PHF24: variants seen among roughly 807,000 people sequenced by gnomAD.
PHF24 encodes the protein PHD finger protein 24, also known as Galpha inhibitory interacting protein.
A neutral mutation model predicts 42.6 loss-of-function variants in PHF24; 25 were observed. That is an observed-to-expected ratio of 0.59 (90% confidence interval 0.43 to 0.82). PHF24 has a LOEUF of 0.82. PHF24 is among the 40% of genes least tolerant of loss of function. The pLI is 0.00. For synonymous variants in PHF24, 185 were observed against 204.8 expected (o/e 0.90, Z 0.83); for missense variants, 470 against 538.1 (o/e 0.87, Z 1.25).
chr9:34,804,690 A>G, the PHF24 span, among the ~76,000 whole-genome samples: 1 of 151,026 alleles, frequency 6.6e-6, no homozygotes, highest in Non-Finnish European at 1.5e-5. Context: ...TCCAGAATCC[A>G]TGCTTGAAAA....
chr9:34,971,180 A>G (rs767604002), intron 1 of PHF24, 115 bp from the exon 2 acceptor site: 118 of 1,111,048 alleles, frequency 1.1e-4, no homozygotes, highest in African/African-American at 2.2e-4. Flanking sequence ...CACCCCCACC[A>G]TGTTCTAGAA....
chr9:34,817,335 C>T, the PHF24 span, among the ~76,000 whole-genome samples: 26 of 152,234 alleles, frequency 1.7e-4, no homozygotes, highest in South Asian at 8.3e-4. Flanking sequence ...GCCTCAAACT[C>T]CTGGGGTCAA....
the PHF24 span, among the ~76,000 whole-genome samples, chr9:34,685,630 C>G: frequency 6.6e-6 from 1 of 152,240 alleles, no homozygotes; most frequent in Admixed American, 6.5e-5. Context: ...CTTTGCCACT[C>G]ACCAGTTGAG....
At chr9:34,934,452 C>A in the PHF24 span, among the ~76,000 whole-genome samples, 2 of 152,046 alleles carry the variant, frequency 1.3e-5, no homozygotes, top group Non-Finnish European at 2.9e-5. Context: ...ATAAAGTAAC[C>A]TCCCTCTTCC....
At chr9:34,880,137 G>C in the PHF24 span, among the ~76,000 whole-genome samples, 4 of 152,162 alleles carry the variant, frequency 2.6e-5, no homozygotes, top group African/African-American at 9.7e-5. Flanking sequence ...ATCCTTTACA[G>C]ACAAGCAAAT....
the PHF24 span, among the ~76,000 whole-genome samples, chr9:34,926,151 C>A: frequency 6.6e-6 from 1 of 152,206 alleles, no homozygotes; most frequent in South Asian, 2.1e-4. The surrounding 1 kb of genome is among the most constrained non-coding windows in gnomAD (Gnocchi z 4.3). Context: ...GGTTCACTGG[C>A]CTGTTTCTCA....
chr9:34,978,039 G>A, exon 8 of PHF24: 2 of 1,614,150 alleles, frequency 1.2e-6, no homozygotes, highest in Middle Eastern at 1.6e-4. Flanking sequence ...CTACCTTCCT[G>A]CAAGAGAATG....
the PHF24 span, among the ~76,000 whole-genome samples, chr9:34,826,423 G>C: frequency 6.6e-6 from 1 of 152,182 alleles, no homozygotes; most frequent in Non-Finnish European, 1.5e-5. Flanking sequence ...TAGAGCATTC[G>C]GCCCTGGTTG....
the PHF24 span, among the ~76,000 whole-genome samples, chr9:34,948,976 C>T: frequency 6.6e-6 from 1 of 152,104 alleles, no homozygotes; most frequent in Non-Finnish European, 1.5e-5. Flanking sequence ...CGGGTTGATT[C>T]CCAAAGGTAG....
chr9:34,963,611 A>G (rs748798744), intron 1 of PHF24, among the ~76,000 whole-genome samples: 12 of 152,240 alleles, frequency 7.9e-5, no homozygotes, highest in Non-Finnish European at 2.9e-5. Context: ...GGGCCTCACC[A>G]TAGTCCACAG....
At chr9:34,787,901 C>T in the PHF24 span, among the ~76,000 whole-genome samples, 1 of 152,158 alleles carries the variant, frequency 6.6e-6, no homozygotes, top group African/African-American at 2.4e-5. Flanking sequence ...ACCATTTCCT[C>T]CCTTAGTTTA....
At chr9:34,974,300 G>A (rs1297912926) in intron 3 of PHF24, among the ~76,000 whole-genome samples, 1 of 152,172 alleles carries the variant, frequency 6.6e-6, no homozygotes. Context: ...CCTCCTAATT[G>A]TCAAGTCCAC....
the PHF24 span, among the ~76,000 whole-genome samples, chr9:34,668,459 C>A: frequency 6.6e-6 from 1 of 152,192 alleles, no homozygotes; most frequent in Non-Finnish European, 1.5e-5. Context: ...ACACAATGCA[C>A]AGGTATACCC....
the PHF24 span, among the ~76,000 whole-genome samples, chr9:34,847,795 G>C: frequency 5.9e-5 from 9 of 152,234 alleles, no homozygotes; most frequent in South Asian, 6.2e-4. Context: ...AATTTATTGA[G>C]AGTTTTTAGC....
At chr9:34,851,284 C>T in the PHF24 span, among the ~76,000 whole-genome samples, 1 of 152,206 alleles carries the variant, frequency 6.6e-6, no homozygotes, top group Non-Finnish European at 1.5e-5. Context: ...GCTTTGTTTA[C>T]CTAAGCAAGC....
chr9:34,836,116 G>A, the PHF24 span: 1 of 473,396 alleles, frequency 2.1e-6, no homozygotes, highest in Non-Finnish European at 4.3e-6. Flanking sequence ...GAAGAGTGTG[G>A]GCTAGCGTTG....
the PHF24 span, among the ~76,000 whole-genome samples, chr9:34,686,688 C>T: frequency 1.3e-5 from 2 of 152,128 alleles, no homozygotes; most frequent in Non-Finnish European, 2.9e-5. Flanking sequence ...TGGGAGGTAT[C>T]ACCCAGCTGC....
At chr9:34,695,259 G>A in the PHF24 span, among the ~76,000 whole-genome samples, 20 of 152,276 alleles carry the variant, frequency 1.3e-4, no homozygotes, top group East Asian at 1.2e-3. Context: ...TTAAAAACCC[G>A]AAAGGACTAA....
chr9:34,787,547 A>T, the PHF24 span, among the ~76,000 whole-genome samples: 1 of 152,204 alleles, frequency 6.6e-6, no homozygotes. Context: ...ATCTCATTCC[A>T]TCCTAAGAGA....
Sources: allele counts gnomAD v4.1 joint callset (sites outside exome capture counted in the v4.1 genomes callset), GRCh38; gene constraint gnomAD v4.1.1; non-coding constraint Gnocchi (gnomAD v3.1); transcripts MANE v1.5; gene names NCBI Gene and HGNC (gene_info 2026-07-23, HGNC 2026-07-21).